Variants in MAD1L1 observed in about 807,000 individuals in gnomAD.
MAD1L1 encodes mitotic arrest deficient 1 like 1.
MAD1L1 carries 95 observed loss-of-function variants against 96.9 expected under a neutral mutation model. The observed-to-expected ratio is 0.98, with a 90% CI of 0.83 to 1.16. MAD1L1 has a LOEUF of 1.16. Among genes scored for constraint, MAD1L1 ranks in the 50% most tolerant of loss-of-function variants. The probability of loss-of-function intolerance (pLI) is 0.00; values close to 1 mark genes in which losing one functional copy is unlikely to be tolerated. For synonymous variants in MAD1L1, 473 were observed against 396.6 expected, an observed-to-expected ratio of 1.19 and a Z score of -2.29; for missense variants, 1,007 against 954.4, an observed-to-expected ratio of 1.06 and a Z score of -0.73.
intron 12 of MAD1L1, among the ~76,000 whole-genome samples, chr7:2,032,943 G>A (rs775098592): frequency 6.6e-6 from 1 of 152,364 alleles, no homozygotes; most frequent in African/African-American, 2.4e-5. Context: ...AGGCGCCCCC[G>A]CAGAAGGACG....
At chr7:2,214,471 C>T (rs893160736) in intron 9 of MAD1L1, among the ~76,000 whole-genome samples, 8 of 152,108 alleles carry the variant, frequency 5.3e-5, no homozygotes, top group Admixed American at 1.3e-4. Flanking sequence ...AGGACAGAGA[C>T]GCCACGCCAC....
chr7:1,882,369 G>T (rs1367046639), intron 18 of MAD1L1, among the ~76,000 whole-genome samples: 1 of 152,234 alleles, frequency 6.6e-6, no homozygotes, highest in Non-Finnish European at 1.5e-5. Context: ...AGGGGACCCA[G>T]AGAGGCAAAT....
intron 16 of MAD1L1, among the ~76,000 whole-genome samples, chr7:1,949,351 G>A (rs73035916): frequency 0.034 from 5,158 of 152,292 alleles, 189 homozygotes; most frequent in Admixed American, 0.097. Context: ...GGGGACCCGC[G>A]CAGTGAAACC....
chr7:2,216,715 G>A (rs773619491), intron 7 of MAD1L1, among the ~76,000 whole-genome samples: 27 of 152,078 alleles, frequency 1.8e-4, no homozygotes, highest in Non-Finnish European at 3.4e-4. Context: ...GGGTACACAG[G>A]AGCTTTACCT....
intron 11 of MAD1L1, among the ~76,000 whole-genome samples, chr7:2,125,195 G>C (rs1182507633): frequency 2.0e-5 from 3 of 152,178 alleles, no homozygotes; most frequent in Non-Finnish European, 4.4e-5. Context: ...AGCAGGGCAA[G>C]TCACCGCCAC....
At chr7:2,032,896 C>T (rs1408250798) in intron 12 of MAD1L1, among the ~76,000 whole-genome samples, 1 of 152,224 alleles carries the variant, frequency 6.6e-6, no homozygotes, top group African/African-American at 2.4e-5. Flanking sequence ...AAGACCCACT[C>T]TGCACACAGG....
At chr7:2,014,136 C>G (rs1051857707) in intron 13 of MAD1L1, among the ~76,000 whole-genome samples, 4 of 152,232 alleles carry the variant, frequency 2.6e-5, no homozygotes, top group African/African-American at 9.6e-5. Context: ...CAACTCTGAG[C>G]ACCCGGAGAC....
chr7:2,072,543 G>A (rs889799590), intron 11 of MAD1L1, among the ~76,000 whole-genome samples: 3 of 152,276 alleles, frequency 2.0e-5, no homozygotes, highest in South Asian at 2.1e-4. Context: ...ACTACTCATG[G>A]GCCAATTTAA....
chr7:2,042,612 A>G (rs1783737633), intron 12 of MAD1L1, among the ~76,000 whole-genome samples: 1 of 152,148 alleles, frequency 6.6e-6, no homozygotes, highest in Admixed American at 6.5e-5. Context: ...ATGAGGGCGG[A>G]TCCCTCACGA....
chr7:2,084,610 C>T (rs1224215411), intron 11 of MAD1L1, among the ~76,000 whole-genome samples: 4 of 152,312 alleles, frequency 2.6e-5, no homozygotes, highest in African/African-American at 4.8e-5. Context: ...GCCACGGTGG[C>T]GGCCACTGCA....
chr7:1,868,874 C>T (rs1351180971), intron 18 of MAD1L1, among the ~76,000 whole-genome samples: 3 of 152,222 alleles, frequency 2.0e-5, no homozygotes, highest in Non-Finnish European at 4.4e-5. Context: ...CACCAACCCT[C>T]TGCATGGAGA....
chr7:2,097,642 C>T (rs900703944), intron 11 of MAD1L1, among the ~76,000 whole-genome samples: 15 of 152,216 alleles, frequency 9.9e-5, no homozygotes, highest in Non-Finnish European at 2.2e-4. Context: ...CAGCCACAGC[C>T]GGCCATCCAC....
At chr7:2,016,535 C>T (rs929684158) in intron 12 of MAD1L1, among the ~76,000 whole-genome samples, 6 of 152,244 alleles carry the variant, frequency 3.9e-5, no homozygotes, top group East Asian at 3.9e-4. Context: ...CGACCCAGTG[C>T]TCCCCAGCAC....
chr7:2,197,870 T>A (rs1254140393), intron 10 of MAD1L1, among the ~76,000 whole-genome samples: 1 of 152,096 alleles, frequency 6.6e-6, no homozygotes, highest in African/African-American at 2.4e-5. Flanking sequence ...CCTCCCTGCC[T>A]GAGAGCCAAA....
At chr7:2,136,388 CCAG>C (rs1788754040) in intron 11 of MAD1L1, among the ~76,000 whole-genome samples, 1 of 152,066 alleles carries the variant, frequency 6.6e-6, no homozygotes, top group Non-Finnish European at 1.5e-5. Flanking sequence ...AGGCTCCCCG[CCAG>C]CAGGCAGGAT....
In MAD1L1 at chr7:2,230,127, C is replaced by G; in HGVS notation, c.7G>C (p.Asp3His). 1 of 1,593,844 alleles carries G rather than the reference C, an allele frequency of 6.3e-7. No individual in the cohort carries two copies. MEDLGENTMVLST... is the reference protein window; with the variant it reads MEHLGENTMVLST... ...AAAACCATGGTGTTTTCCCCCAGGTCTTCCATGGTTGCTTTCCTTCCGGGG... is the reference window on the plus strand; with the variant it reads ...AAAACCATGGTGTTTTCCCCCAGGTGTTCCATGGTTGCTTTCCTTCCGGGG... Residue 3 changes from aspartate (D) to histidine (H), a missense_variant, in exon 3 of 19, where the codon GAC becomes CAC. Transcript: ENST00000265854.
At chr7:2,075,240 C>A (rs1785320612) in intron 11 of MAD1L1, among the ~76,000 whole-genome samples, 1 of 152,176 alleles carries the variant, frequency 6.6e-6, no homozygotes, top group Non-Finnish European at 1.5e-5. Context: ...AGCCTAAAGG[C>A]CCCCCATCTA....
intron 14 of MAD1L1, among the ~76,000 whole-genome samples, chr7:1,993,414 C>T (rs995606759): frequency 4.6e-5 from 7 of 152,186 alleles, no homozygotes; most frequent in African/African-American, 1.4e-4. Flanking sequence ...TAAAGTTTAC[C>T]GGAAAAAACA....
intron 11 of MAD1L1, among the ~76,000 whole-genome samples, chr7:2,141,564 G>A (rs976594554): frequency 8.5e-5 from 13 of 152,190 alleles, no homozygotes; most frequent in South Asian, 2.1e-4. Flanking sequence ...AGAAGGCACC[G>A]CATGAGGGAG....
Sources: allele counts gnomAD v4.1 joint callset (sites outside exome capture counted in the v4.1 genomes callset), GRCh38; gene constraint gnomAD v4.1.1; transcripts MANE v1.5; gene names NCBI Gene and HGNC (gene_info 2026-07-23, HGNC 2026-07-21).